Variants in GPHN observed in about 807,000 individuals in gnomAD.
The protein encoded by GPHN is gephyrin.
In GPHN, 17 loss-of-function variants were observed where a neutral mutation model predicts 95.5. The ratio of observed to expected loss-of-function variants is 0.18; its 90% CI spans 0.12 to 0.27. The LOEUF is 0.27. Ranked by LOEUF, GPHN falls within the 10% of genes least tolerant of loss-of-function variation. GPHN has a pLI of 1.00. For missense variants in GPHN, 660 were observed against 978.1 expected (o/e 0.67, Z 4.34); for synonymous variants, 320 against 322.5 (o/e 0.99, Z 0.08).
chr14:66,883,710 C>T (rs936759624), intron 5 of GPHN, among the ~76,000 whole-genome samples: 1 of 152,082 alleles, frequency 6.6e-6, no homozygotes, highest in Admixed American at 6.6e-5. Flanking sequence ...TTCTGTCTCA[C>T]TTTCTGTGGG....
intron 3 of GPHN, among the ~76,000 whole-genome samples, chr14:66,791,089 G>A (rs1403198605): frequency 6.6e-6 from 1 of 152,148 alleles, no homozygotes; most frequent in Non-Finnish European, 1.5e-5. Context: ...GTTCATTCAA[G>A]CATCCTTGCC....
At position 67,113,125 on chromosome 14, in the gene GPHN, A is replaced by G; in HGVS notation, c.1580A>G (p.Glu527Gly). ...GCAACTGTAGGTGTCACAGAGGTTG[A>G]AGTTAATAAGTTTCCAGTGGTTGCA... ...LLATVGVTEVEVNKFPVVAVM... is the reference protein window; with the variant it reads ...LLATVGVTEVGVNKFPVVAVM... Residue 527 changes from glutamate to glycine, a missense_variant, in exon 16 of 23, where the codon GAA becomes GGA. Physicochemically the swap from Glu to Gly is moderately conservative, Grantham distance 98. Transcript: ENST00000478722. The G allele has an allele frequency of 6.2e-7, 1 of 1,613,968 alleles. No individual in the cohort carries two copies.
intron 5 of GPHN, among the ~76,000 whole-genome samples, chr14:66,908,392 G>A (rs897390200): frequency 6.6e-6 from 1 of 151,978 alleles, no homozygotes; most frequent in Non-Finnish European, 1.5e-5. Context: ...TAAGCAACAA[G>A]CAGTATCTTA....
the GPHN span, among the ~76,000 whole-genome samples, chr14:67,678,850 A>AG: frequency 6.6e-6 from 1 of 152,058 alleles, no homozygotes; most frequent in Non-Finnish European, 1.5e-5. Context: ...AAAAAAAAAA[A>AG]GAAATGCTTA....
At chr14:66,621,558 G>C (rs1595277347) in intron 1 of GPHN, among the ~76,000 whole-genome samples, 1 of 150,834 alleles carries the variant, frequency 6.6e-6, no homozygotes, top group South Asian at 2.1e-4. Context: ...CTGAGTAGCT[G>C]GGACTACAGG....
chr14:67,282,239 T>G, the GPHN span, among the ~76,000 whole-genome samples: 2 of 152,134 alleles, frequency 1.3e-5, no homozygotes, highest in Non-Finnish European at 2.9e-5. Context: ...CACATCAAAC[T>G]GTAAGAGAAG....
At chr14:67,362,844 A>G in the GPHN span, among the ~76,000 whole-genome samples, 4 of 152,180 alleles carry the variant, frequency 2.6e-5, no homozygotes, top group Non-Finnish European at 5.9e-5. Flanking sequence ...TTCTTTTTGT[A>G]CTTAACTACT....
intron 9 of GPHN, among the ~76,000 whole-genome samples, chr14:67,011,709 T>C (rs892057005): frequency 3.3e-5 from 5 of 152,020 alleles, no homozygotes; most frequent in Non-Finnish European, 5.9e-5. Context: ...TCTTTCTGCT[T>C]ATATTTATTT....
chr14:67,700,647 G>A, the GPHN span, among the ~76,000 whole-genome samples: 1 of 151,258 alleles, frequency 6.6e-6, no homozygotes, highest in Non-Finnish European at 1.5e-5. Flanking sequence ...CCTGGGAGGC[G>A]GAGCTTGCAG....
the GPHN span, among the ~76,000 whole-genome samples, chr14:67,544,700 T>G: frequency 6.6e-6 from 1 of 152,158 alleles, no homozygotes; most frequent in South Asian, 2.1e-4. Context: ...AAATAGAACT[T>G]TAATAAGTGA....
At chr14:67,187,431 T>C in the GPHN span, among the ~76,000 whole-genome samples, 1 of 152,196 alleles carries the variant, frequency 6.6e-6, no homozygotes, top group South Asian at 2.1e-4. Context: ...TGGACTCTAC[T>C]GATAGTTCCC....
intron 4 of GPHN, among the ~76,000 whole-genome samples, chr14:66,844,883 C>T (rs1422872186): frequency 1.3e-5 from 2 of 152,080 alleles, no homozygotes; most frequent in South Asian, 2.1e-4. Flanking sequence ...CTCCCCATTC[C>T]TCCCTCCCCC....
At chr14:67,102,227 G>A (rs2077750355) in intron 13 of GPHN, among the ~76,000 whole-genome samples, 1 of 152,078 alleles carries the variant, frequency 6.6e-6, no homozygotes, top group African/African-American at 2.4e-5. Flanking sequence ...GAGTTACGAA[G>A]GTTGATCAAC....
rs2066967554 is a variant in GPHN, at chr14:66,934,040, G to A, written c.828+9748G>A. 2.6e-5 allele frequency among the ~76,000 whole-genome samples: 4 copies of A among 151,378 alleles called. No homozygotes were observed. The South Asian group carries it at 8.3e-4, about 32-fold the overall frequency. On this transcript the variant is annotated intron_variant, in intron 8 of 22. Coordinates refer to ENST00000478722, the MANE Select transcript of GPHN (RefSeq NM_020806.5). ...TGTAGTCCCAGCTACTTGGGAGGCT[G>A]AGGTGGAAGAATCACTTGAGCCCAG...
intron 1 of GPHN, among the ~76,000 whole-genome samples, chr14:66,662,127 T>C (rs1355211477): frequency 6.6e-6 from 1 of 152,104 alleles, no homozygotes; most frequent in Non-Finnish European, 1.5e-5. Context: ...GGGGCAGAAG[T>C]GGTACACCCA....
chr14:67,274,699 A>G, the GPHN span, among the ~76,000 whole-genome samples: 1 of 152,160 alleles, frequency 6.6e-6, no homozygotes, highest in African/African-American at 2.4e-5. Context: ...TTGAATCTAT[A>G]AATTACCTTG....
At chr14:67,614,126 A>G in the GPHN span, among the ~76,000 whole-genome samples, 1 of 152,076 alleles carries the variant, frequency 6.6e-6, no homozygotes, top group African/African-American at 2.4e-5. Context: ...TTGTAGAGAC[A>G]GGGTCTTGCT....
chr14:67,123,574 G>A (rs1000813393), intron 17 of GPHN, among the ~76,000 whole-genome samples: 2 of 152,198 alleles, frequency 1.3e-5, no homozygotes, highest in Non-Finnish European at 2.9e-5. Context: ...TACTCGGGAG[G>A]CTGAGGCATG....
chr14:67,380,886 G>A, the GPHN span: 13 of 478,160 alleles, frequency 2.7e-5, no homozygotes, highest in African/African-American at 1.8e-4. Flanking sequence ...CTAAATGGTT[G>A]TTTTTTATAA....
Sources: gnomAD v4.1 joint callset for allele counts (sites outside exome capture counted in the v4.1 genomes callset) on GRCh38, gnomAD v4.1.1 for gene constraint, MANE v1.5 for transcripts, NCBI Gene and HGNC (gene_info 2026-07-23, HGNC 2026-07-21) for gene names.